SIRPB2: variants seen among roughly 807,000 people sequenced by gnomAD.
The protein encoded by SIRPB2 is signal-regulatory protein beta-2.
A neutral mutation model predicts 27.1 loss-of-function variants in SIRPB2; 18 were observed. The ratio of observed to expected loss-of-function variants is 0.66; its 90% CI spans 0.46 to 0.98. SIRPB2 has a LOEUF of 0.98. Among genes scored for constraint, SIRPB2 ranks in the 50% least tolerant of loss-of-function variants. The pLI, the probability that SIRPB2 is intolerant of heterozygous loss-of-function variation, is 0.00. For missense variants in SIRPB2, 420 were observed against 417.4 expected, an observed-to-expected ratio of 1.01 and a Z score of -0.06; for synonymous variants, 150 against 164.6, an observed-to-expected ratio of 0.91 and a Z score of 0.68.
chr20:1,481,755 G>T (rs1480103663), intron 1 of SIRPB2, among the ~76,000 whole-genome samples: 1 of 152,128 alleles, frequency 6.6e-6, no homozygotes, highest in Non-Finnish European at 1.5e-5. Context: ...CCTAGGGATT[G>T]CTTCTGTCCT....
chr20:1,491,228 A>G (rs776199762), intron 1 of SIRPB2, 47 bp downstream of exon 1: 1 of 1,550,114 alleles, frequency 6.5e-7, no homozygotes, highest in Non-Finnish European at 8.8e-7. Flanking sequence ...CCCTCTAGGG[A>G]CTGACCAGCC....
chr20:1,470,722 T>TAAC (rs1004840327), downstream of SIRPB2: 2 of 151,986 alleles, frequency 1.3e-5, no homozygotes. Flanking sequence ...ATAATAATAA[T>TAAC]AACAACAAAA....
chr20:1,477,230 G>A (rs572601357), intron 4 of SIRPB2, 108 bp downstream of exon 4: 4 of 1,612,910 alleles, frequency 2.5e-6, no homozygotes, highest in Non-Finnish European at 3.4e-6. Flanking sequence ...ATTCTTGGTG[G>A]CAGGTTAGCC....
rs984498 is a variant in SIRPB2, at chr20:1,475,496, C to T, written c.*671G>A. 0.21 allele frequency: 31,527 copies of T among 152,160 alleles called. 4,457 individuals are homozygous for T. The highest frequency in any genetic ancestry group is 0.4 in the African/African-American group (16,515 of 41,420). 9.4% of individuals were successfully genotyped at this position (152,160 alleles called of 1,614,324 possible). ...GAGGGTCCTGCTCCCCTTTCCTGCCCTCTTTTCCAGTCTGGCTGCCTAGAA... is the reference window on the plus strand; with the variant it reads ...GAGGGTCCTGCTCCCCTTTCCTGCCTTCTTTTCCAGTCTGGCTGCCTAGAA... On this transcript the variant is annotated 3_prime_UTR_variant, in exon 5 of 5. Transcript: ENST00000359801.
Position 1,488,305 on chromosome 20 carries a change from G to A in SIRPB2, c.85+2970C>T, listed in dbSNP as rs75033537. Among the ~76,000 whole-genome samples, 1,476 of 152,286 alleles carry A rather than the reference G, an allele frequency of 9.7e-3. 25 individuals carry two copies. The highest frequency in any genetic ancestry group is 0.033 in the African/African-American group (1,366 of 41,550). On this transcript the variant is annotated intron_variant, in intron 1 of 4. Transcript: ENST00000359801. ...CACTTCACCAAAAAGGATGCATGATGTAAAAAATGTTCAGCATCATTACAT... is the reference window on the plus strand; with the variant it reads ...CACTTCACCAAAAAGGATGCATGATATAAAAAATGTTCAGCATCATTACAT...
At chr20:1,476,936 A>T (rs1163859394) in intron 4 of SIRPB2, 2 of 1,185,468 alleles carry the variant, frequency 1.7e-6, no homozygotes, top group Non-Finnish European at 2.1e-6. Flanking sequence ...CCGCTAGTTC[A>T]TAGAGTCAGA....
chr20:1,480,100 G>T (rs771815040), intron 1 of SIRPB2, 35 bp from the exon 2 acceptor site: 1 of 1,554,580 alleles, frequency 6.4e-7, no homozygotes, highest in Non-Finnish European at 8.6e-7. Context: ...GCACTGGGCA[G>T]GAAGGACTTG....
intron 1 of SIRPB2, among the ~76,000 whole-genome samples, chr20:1,490,186 T>TGGA (rs377268900): frequency 5.6e-4 from 85 of 152,322 alleles, no homozygotes; most frequent in African/African-American, 1.9e-3. Context: ...ACCTAGCAAT[T>TGGA]ATGATTCACA....
Position 1,478,356 on chromosome 20 carries a change from C to T in SIRPB2, c.703G>A (p.Glu235Lys), listed in dbSNP as rs752013814. ...FSILLQNVSS[E>K]DAGTYYCVKF... is the part of the protein sequence containing the mutation. ...ACACAGTAATAGGTGCCTGCATCCT[C>T]ACTGGAGACGTTTTGCAGAAGAATG... The change falls in exon 3 of 5, where the codon GAG (glutamate) becomes AAG (lysine). Residue 235 changes from glutamate (E) to lysine (K), a missense_variant. Glu to Lys is a moderately conservative substitution (Grantham distance 56). Coordinates refer to ENST00000359801, the MANE Select transcript of SIRPB2 (RefSeq NM_001122962.2). 67 of 1,614,098 alleles carry T rather than the reference C, an allele frequency of 4.2e-5. No homozygotes were observed. The highest frequency in any genetic ancestry group is 5.6e-5 in the Non-Finnish European group (66 of 1,180,052).
Position 1,485,653 on chromosome 20 carries a change from C to CCACA in SIRPB2, c.86-5592_86-5589dup, listed in dbSNP as rs58756174. ...TAGAACACACACACACACACACACA[C>CCACA]CACACACACACACACACACAGAAAA... On this transcript the variant is annotated intron_variant, in intron 1 of 4. Coordinates refer to ENST00000359801, the MANE Select transcript of SIRPB2 (RefSeq NM_001122962.2). 5.1e-3 allele frequency among the ~76,000 whole-genome samples: 748 copies of CCACA among 147,178 alleles called. 3 individuals are homozygous for CCACA. Among genetic ancestry groups the CCACA allele is most frequent in the African/African-American group, 9.2e-3 (366 of 39,850 alleles).
In SIRPB2 at chr20:1,475,084, T is replaced by G. The variant is rs1249746269; in HGVS notation, c.*1083A>C. On this transcript the variant is annotated 3_prime_UTR_variant, in exon 5 of 5. Coordinates refer to ENST00000359801, the MANE Select transcript of SIRPB2 (RefSeq NM_001122962.2). Reference sequence around the variant, plus strand: ...TAGATGGTGGTAGCACCCCCCCAGGTTGTGCCAACCAAAAACATCTCTAGA... The same window carrying G: ...TAGATGGTGGTAGCACCCCCCCAGGGTGTGCCAACCAAAAACATCTCTAGA... The G allele has an allele frequency of 6.6e-6, 1 of 152,096 alleles. No individual in the cohort carries two copies. Among genetic ancestry groups the G allele is most frequent in the Non-Finnish European group, 1.5e-5 (1 of 68,052 alleles). The allele number at this position is 152,096 out of a possible 1,614,324, so 9.4% of individuals were successfully genotyped here.
In SIRPB2 at chr20:1,475,997, C is replaced by A; in HGVS notation, c.*170G>T. 1.5e-6 allele frequency: 1 copy of A among 677,862 alleles called. No homozygotes were observed. Among genetic ancestry groups the A allele is most frequent in the Non-Finnish European group, 2.4e-6 (1 of 413,092 alleles). 42.0% of individuals were successfully genotyped at this position (677,862 alleles called of 1,614,324 possible). On this transcript the variant is annotated 3_prime_UTR_variant, in exon 5 of 5. Coordinates refer to ENST00000359801, the MANE Select transcript of SIRPB2 (RefSeq NM_001122962.2). Reference sequence around the variant, plus strand: ...GAAAGGGAGACATTTTAGAGGGAAGCCCGGTGCAAAGAAGGGAATTTCACT... The same window carrying A: ...GAAAGGGAGACATTTTAGAGGGAAGACCGGTGCAAAGAAGGGAATTTCACT...
At chr20:1,488,396 G>C (rs979673031) in intron 1 of SIRPB2, among the ~76,000 whole-genome samples, 1 of 152,158 alleles carries the variant, frequency 6.6e-6, no homozygotes, top group Non-Finnish European at 1.5e-5. Context: ...GAGGCAGGCG[G>C]ATCACTGGAT....
chr20:1,486,954 T>G (rs1378924841), intron 1 of SIRPB2, among the ~76,000 whole-genome samples: 1 of 152,174 alleles, frequency 6.6e-6, no homozygotes, highest in African/African-American at 2.4e-5. Context: ...CTATTTCTAT[T>G]CAATTTTGTA....
chr20:1,480,189 A>T (rs1438932776), intron 1 of SIRPB2, 124 bp from the exon 2 acceptor site: 1 of 1,307,306 alleles, frequency 7.6e-7, no homozygotes. Context: ...CAGGAGTGTC[A>T]TTAGACAGGG....
intron 1 of SIRPB2, chr20:1,480,475 G>C (rs927763578): frequency 6.0e-5 from 11 of 182,982 alleles, no homozygotes; most frequent in Admixed American, 5.9e-4. Flanking sequence ...CTAACCTCCA[G>C]TTCCTCAGAA....
intron 4 of SIRPB2, 32 bp downstream of exon 4, chr20:1,477,306 C>G (rs1295569685): frequency 1.2e-6 from 2 of 1,614,214 alleles, no homozygotes; most frequent in South Asian, 2.2e-5. Flanking sequence ...CTGTGGGGGA[C>G]TCATTGACTC....
chr20:1,484,385 G>A (rs907822351), intron 1 of SIRPB2, among the ~76,000 whole-genome samples: 1 of 152,108 alleles, frequency 6.6e-6, no homozygotes, highest in Non-Finnish European at 1.5e-5. Context: ...CATAACAAAA[G>A]CAACTATCAA....
downstream of SIRPB2, among the ~76,000 whole-genome samples, chr20:1,471,701 C>T (rs116614880): frequency 2.9e-3 from 439 of 152,328 alleles, 1 homozygote; most frequent in African/African-American, 9.8e-3. Context: ...CACTGCACCC[C>T]GATACCGCCA....
Sources: gnomAD v4.1 joint callset for allele counts (sites outside exome capture counted in the v4.1 genomes callset) on GRCh38, gnomAD v4.1.1 for gene constraint, MANE v1.5 for transcripts, NCBI Gene and HGNC (gene_info 2026-07-23, HGNC 2026-07-21) for gene names.